The following RNF41 variants were observed in gnomAD, a reference collection of about 807,000 sequenced individuals.
RNF41 encodes ring finger protein 41, also known as E3 ubiquitin-protein ligase NRDP1.
RNF41 carries 4 observed loss-of-function variants against 33.0 expected under a neutral mutation model. That is an observed-to-expected ratio of 0.12 (90% CI 0.06 to 0.28). The LOEUF is 0.28. Ranked by LOEUF, RNF41 falls within the 10% of genes least tolerant of loss-of-function variation. RNF41 has a pLI of 1.00. For missense variants in RNF41, 228 were observed against 432.6 expected (o/e 0.53, Z 4.19); for synonymous variants, 164 against 153.2 (o/e 1.07, Z -0.52).
chr12:56,210,247 A>T (rs1433789025), intron 4 of RNF41, 50 bp downstream of exon 4: 2 of 1,589,774 alleles, frequency 1.3e-6, no homozygotes, highest in African/African-American at 2.7e-5. Flanking sequence ...AGACAGGGGC[A>T]TAAATGAGAT....
intron 3 of RNF41, among the ~76,000 whole-genome samples, chr12:56,211,918 G>A (rs932489274): frequency 1.3e-5 from 2 of 152,048 alleles, no homozygotes; most frequent in Non-Finnish European, 2.9e-5. Context: ...CTTGCAGTGA[G>A]CCAAGATCAT....
intron 1 of RNF41, 171 bp downstream of exon 1, chr12:56,221,589 A>C (rs1592363991): frequency 6.7e-6 from 1 of 150,286 alleles, no homozygotes; most frequent in African/African-American, 2.5e-5. Flanking sequence ...CCCCCTTCTC[A>C]CCTCCCGACT....
In RNF41 at chr12:56,213,950, C is replaced by T. The variant is rs1444460244; in HGVS notation, c.90+8G>A. ...TGCCCCACCAAACCTGCCATCAGAC[C>T]AACTCACCTGTACTGGCTCCTCCAA... On this transcript the variant is annotated splice_region_variant and intron_variant, in intron 3 of 6. Transcript: ENST00000345093. The T allele has an allele frequency of 6.2e-7, 1 of 1,602,256 alleles. No homozygotes were observed. The highest frequency in any genetic ancestry group is 8.6e-7 in the Non-Finnish European group (1 of 1,169,418).
At chr12:56,218,834 G>A (rs1414322091) in intron 1 of RNF41, among the ~76,000 whole-genome samples, 1 of 151,670 alleles carries the variant, frequency 6.6e-6, no homozygotes, top group Admixed American at 6.6e-5. Flanking sequence ...CTCCCAAGTA[G>A]CTGGGACTAC....
chr12:56,216,216 A>T (rs947774219), intron 2 of RNF41, among the ~76,000 whole-genome samples: 1 of 152,218 alleles, frequency 6.6e-6, no homozygotes, highest in African/African-American at 2.4e-5. Context: ...ACATAAAAAC[A>T]CATAAACGTA....
chr12:56,210,049 A>G, intron 4 of RNF41: 1 of 535,062 alleles, frequency 1.9e-6, no homozygotes, highest in Non-Finnish European at 3.4e-6. Context: ...GAGTCAATCA[A>G]GCTTTAATGT....
At chr12:56,213,872 A>C (rs1169964773) in intron 3 of RNF41, 86 bp downstream of exon 3, 1 of 877,828 alleles carries the variant, frequency 1.1e-6, no homozygotes. Flanking sequence ...CAGTGACTTC[A>C]CCATGGGTCC....
rs1878737311 is a variant in RNF41, at chr12:56,204,300, A to T, written c.*2147T>A. 1 of 152,386 alleles carries T rather than the reference A, an allele frequency of 6.6e-6. No individual in the cohort carries two copies. The highest frequency in any genetic ancestry group is 1.9e-4 in the East Asian group (1 of 5,184). 9.4% of individuals were successfully genotyped at this position (152,386 alleles called of 1,614,324 possible). On this transcript the variant is annotated 3_prime_UTR_variant, in exon 7 of 7. Transcript: ENST00000345093. The stretch of plus-strand genomic sequence containing the variant: ...ACTAGAGAGCTTTGGCTGCTACAGA[A>T]CAGGAGATAGGAGGGAAGAATGCAG...
rs1868906735 is a variant in RNF41, at chr12:56,216,560, A to G, written c.-155T>C. On this transcript the variant is annotated 5_prime_UTR_variant, in exon 2 of 7. Coordinates refer to ENST00000345093, the MANE Select transcript of RNF41 (RefSeq NM_005785.4). Reference sequence around the variant, plus strand: ...ATTCTCCGACTGAGTATTCCTTCCCAGTGACAAGCTCCATCGCCCAGGGGA... The same window carrying G: ...ATTCTCCGACTGAGTATTCCTTCCCGGTGACAAGCTCCATCGCCCAGGGGA... The G allele has an allele frequency of 2.0e-5, 3 of 152,324 alleles. No homozygotes were observed. The highest frequency in any genetic ancestry group is 4.1e-4 in the South Asian group (2 of 4,826). The allele number at this position is 152,324 out of a possible 1,614,324, so 9.4% of individuals were successfully genotyped here. A position where few individuals can be genotyped will look rare whatever the true frequency, so the allele number is the denominator to read the frequency against.
At chr12:56,211,867 G>A (rs867893997) in intron 3 of RNF41, among the ~76,000 whole-genome samples, 2 of 152,278 alleles carry the variant, frequency 1.3e-5, no homozygotes, top group African/African-American at 4.8e-5. Context: ...AGCTATTTAG[G>A]AGGCTGAGGC....
At position 56,202,375 on chromosome 12, in the gene RNF41, C is replaced by T. The variant is rs1878629926; in HGVS notation, c.*4072G>A. 1 of 151,878 alleles carries T rather than the reference C, an allele frequency of 6.6e-6. No homozygotes were observed. The highest frequency in any genetic ancestry group is 2.1e-4 in the South Asian group (1 of 4,816). The allele number at this position is 151,878 out of a possible 1,614,324, so 9.4% of individuals were successfully genotyped here. A position where few individuals can be genotyped will look rare whatever the true frequency, so the allele number is the denominator to read the frequency against. On this transcript the variant is annotated 3_prime_UTR_variant, in exon 7 of 7. Coordinates refer to ENST00000345093, the MANE Select transcript of RNF41 (RefSeq NM_005785.4). ...AGTGTTCTTTCTACTCCCTCCTTCC[C>T]CCAGTTCTCCTGACCTTAAAAGTTT...
In RNF41 at chr12:56,206,641, T is replaced by G; in HGVS notation, c.760A>C (p.Ser254Arg). 6.2e-7 allele frequency: 1 copy of G among 1,614,152 alleles called. No homozygotes were observed. The highest frequency in any genetic ancestry group is 8.5e-7 in the Non-Finnish European group (1 of 1,180,028). Residue 254 changes from serine (S) to arginine (R), a missense_variant, in exon 7 of 7, where the codon AGC becomes CGC. Coordinates refer to ENST00000345093, the MANE Select transcript of RNF41 (RefSeq NM_005785.4). The surrounding 1 kb of genome is among the most constrained non-coding windows in gnomAD (Gnocchi z 5.7). ...AGTGTGGCCAGACCCTGGGGCCAGC[T>G]ACGCTCGTGGGCATTTTCAATCAGC... ...NELIENAHER[S>R]WPQGLATLET...
chr12:56,209,864 A>G (rs1868362652), intron 4 of RNF41, among the ~76,000 whole-genome samples: 1 of 152,242 alleles, frequency 6.6e-6, no homozygotes, highest in African/African-American at 2.4e-5. Context: ...TCGGCCTCCC[A>G]AAGTGCTAGG....
At chr12:56,208,056 A>T in intron 5 of RNF41, 107 bp downstream of exon 5, 1 of 1,365,216 alleles carries the variant, frequency 7.3e-7, no homozygotes. Context: ...ATCTAGGCTC[A>T]CAAGTGTAAG....
chr12:56,217,424 G>A (rs1048481548), intron 1 of RNF41, among the ~76,000 whole-genome samples: 3 of 152,024 alleles, frequency 2.0e-5, no homozygotes, highest in African/African-American at 7.2e-5. Flanking sequence ...GCAGATGCCT[G>A]TAATCCCAGC....
At chr12:56,209,737 G>A (rs1333502279) in intron 4 of RNF41, among the ~76,000 whole-genome samples, 2 of 152,204 alleles carry the variant, frequency 1.3e-5, no homozygotes, top group South Asian at 2.1e-4. Flanking sequence ...GATTACAGGC[G>A]TGAGCCACCG....
chr12:56,211,463 T>C (rs540172823), intron 3 of RNF41, among the ~76,000 whole-genome samples: 3 of 151,742 alleles, frequency 2.0e-5, no homozygotes, highest in Non-Finnish European at 4.4e-5. Flanking sequence ...TCTAGGACAA[T>C]AGGACAGATG....
rs1315064246 is a variant in RNF41 at position 56,205,463 on chromosome 12, T to A, written c.*984A>T. 1.7e-5 allele frequency: 2 copies of A among 121,130 alleles called. No individual in the cohort carries two copies. The highest frequency in any genetic ancestry group is 2.0e-4 in the Admixed American group (2 of 10,136). 7.5% of individuals were successfully genotyped at this position (121,130 alleles called of 1,614,324 possible). On this transcript the variant is annotated 3_prime_UTR_variant, in exon 7 of 7. Transcript: ENST00000345093. ...TCAAAAGAAAAGTTTCAAGTTTGAT[T>A]TTTTTTTCTTTTTTCCTTTCTTAAA... is the stretch of plus-strand genomic sequence containing the variant.
chr12:56,205,129 G>A lies in RNF41; in HGVS notation c.*1318C>T, dbSNP rs913102573. 2.0e-5 allele frequency: 3 copies of A among 152,240 alleles called. No homozygotes were observed. The highest frequency in any genetic ancestry group is 7.2e-5 in the African/African-American group (3 of 41,450). The allele number at this position is 152,240 out of a possible 1,614,324, so 9.4% of individuals were successfully genotyped here. A position where few individuals can be genotyped will look rare whatever the true frequency, so the allele number is the denominator to read the frequency against. On this transcript the variant is annotated 3_prime_UTR_variant, in exon 7 of 7. Transcript: ENST00000345093. ...CTATACAGCTCCAAGGAAACTTGGGGAAGGGGGAGTTGCCTTCAAAATGAA... is the reference window on the plus strand; with the variant it reads ...CTATACAGCTCCAAGGAAACTTGGGAAAGGGGGAGTTGCCTTCAAAATGAA...
Sources: allele counts gnomAD v4.1 joint callset (sites outside exome capture counted in the v4.1 genomes callset), GRCh38; gene constraint gnomAD v4.1.1; non-coding constraint Gnocchi (gnomAD v3.1); transcripts MANE v1.5; gene names NCBI Gene and HGNC (gene_info 2026-07-23, HGNC 2026-07-21).